The following SLC37A1 variants were observed in gnomAD, a reference collection of about 807,000 sequenced individuals.
SLC37A1 encodes the protein glucose-6-phosphate exchanger SLC37A1.
In SLC37A1, 49 loss-of-function variants were observed where a neutral mutation model predicts 75.3. The ratio of observed to expected loss-of-function variants is 0.65; its 90% CI spans 0.52 to 0.83. The LOEUF (loss-of-function observed/expected upper bound fraction) is 0.83, where lower values mean the gene tolerates loss of function less well. Among genes scored for constraint, SLC37A1 ranks in the 40% least tolerant of loss-of-function variants. SLC37A1 has a pLI of 0.00. For missense variants in SLC37A1, 566 were observed against 695.0 expected, an observed-to-expected ratio of 0.81 and a Z score of 2.09; for synonymous variants, 268 against 292.1, an observed-to-expected ratio of 0.92 and a Z score of 0.84.
rs79255104 is a variant in SLC37A1, at chr21:42,548,462, C to A, written c.768+1322C>A. Among the ~76,000 whole-genome samples the A allele has an allele frequency of 1.3e-5, 2 of 152,132 alleles. No individual in the cohort carries two copies. Among genetic ancestry groups the A allele is most frequent in the East Asian group, 3.9e-4 (2 of 5,168 alleles). The stretch of plus-strand genomic sequence containing the variant: ...GACCCGAGGAGCCAGCCCAACACCC[C>A]CTCCCTTCAGCCCCGCACCCCATCC... On this transcript the variant is annotated intron_variant, in intron 9 of 19. Coordinates refer to ENST00000352133, the MANE Select transcript of SLC37A1 (RefSeq NM_001320537.2). The surrounding 1 kb of genome is among the most constrained non-coding windows in gnomAD (Gnocchi z 5.6).
At chr21:42,572,628 T>C (rs1370257659) in intron 17 of SLC37A1, among the ~76,000 whole-genome samples, 1 of 144,442 alleles carries the variant, frequency 6.9e-6, no homozygotes, top group African/African-American at 2.6e-5. Flanking sequence ...TTATTTCATG[T>C]TAGACTGAAT....
chr21:42,551,330 G>A (rs1038122072), intron 9 of SLC37A1, among the ~76,000 whole-genome samples: 3 of 152,174 alleles, frequency 2.0e-5, no homozygotes, highest in African/African-American at 7.2e-5. Flanking sequence ...AACATTACGC[G>A]AAGCAGAAGA....
At chr21:42,525,751 C>G (rs1371447610) in intron 2 of SLC37A1, 25 bp from the exon 3 acceptor site, 4 of 1,540,980 alleles carry the variant, frequency 2.6e-6, no homozygotes, top group Non-Finnish European at 3.6e-6. Flanking sequence ...TTCATATCAT[C>G]CTCTCCCACT....
intron 8 of SLC37A1, among the ~76,000 whole-genome samples, chr21:42,544,128 T>A (rs2055351221): frequency 6.6e-6 from 1 of 152,190 alleles, no homozygotes; most frequent in African/African-American, 2.4e-5. Context: ...GAAGTAGAGA[T>A]CCAGCAGGCT....
intron 17 of SLC37A1, among the ~76,000 whole-genome samples, 168 bp downstream of exon 17, chr21:42,568,606 C>T (rs896542713): frequency 2.6e-5 from 4 of 152,190 alleles, no homozygotes; most frequent in Non-Finnish European, 5.9e-5. Flanking sequence ...CAGAGATGGT[C>T]ACGCATGCCT....
At chr21:42,572,771 T>C (rs112494453) in intron 17 of SLC37A1, among the ~76,000 whole-genome samples, 13,174 of 139,118 alleles carry the variant, frequency 0.095, 804 homozygotes, top group Non-Finnish European at 0.14. Flanking sequence ...TGGCTCTCTG[T>C]GGGTGCTGTG....
intron 2 of SLC37A1, among the ~76,000 whole-genome samples, chr21:42,503,565 GAAA>G (rs752895422): frequency 4.6e-5 from 7 of 152,056 alleles, no homozygotes; most frequent in Non-Finnish European, 7.4e-5. Context: ...TTGTTTTTAA[GAAA>G]ACAATGTGTC....
chr21:42,511,002 C>A (rs540381414), upstream of SLC37A1, among the ~76,000 whole-genome samples: 46 of 152,270 alleles, frequency 3.0e-4, no homozygotes, highest in African/African-American at 1.0e-3. Context: ...ATGGACCTAA[C>A]AGACATACAG....
chr21:42,570,224 C>CATT (rs2056115532), intron 17 of SLC37A1, among the ~76,000 whole-genome samples: 3 of 126,388 alleles, frequency 2.4e-5, no homozygotes, highest in Non-Finnish European at 5.0e-5. Flanking sequence ...GCAGGGTGGC[C>CATT]GTTGCCATGT....
intron 1 of SLC37A1, 41 bp from the exon 2 acceptor site, chr21:42,518,236 T>A: frequency 3.5e-6 from 2 of 572,840 alleles, no homozygotes; most frequent in Admixed American, 2.7e-5. Flanking sequence ...GGTGTGAATG[T>A]CACGACACTG....
rs991887652 is a variant in SLC37A1, at chr21:42,564,759, C to T, written c.1187C>T (p.Thr396Ile). ...ISDRLEKRAS[T>I]CGLMLLLAAP... ...GACCGACTGGAGAAAAGGGCCTCCA[C>T]CTGCGGCCTGATGCTGCTGCTCGCG... The change falls in exon 14 of 20, where the codon ACC becomes ATC. Residue 396 changes from threonine (T) to isoleucine (I), a missense_variant. Transcript: ENST00000352133. The T allele has an allele frequency of 1.4e-5, 22 of 1,608,882 alleles. No individual in the cohort carries two copies. Among genetic ancestry groups the T allele is most frequent in the Non-Finnish European group, 1.9e-5 (22 of 1,179,996 alleles).
At chr21:42,574,466 G>A (rs1415801843) in intron 17 of SLC37A1, among the ~76,000 whole-genome samples, 2 of 152,194 alleles carry the variant, frequency 1.3e-5, no homozygotes, top group Non-Finnish European at 2.9e-5. Context: ...CTTGGGACCA[G>A]AAGTGGTTAT....
chr21:42,575,747 G>A (rs1376131999), intron 18 of SLC37A1: 2 of 985,144 alleles, frequency 2.0e-6, no homozygotes, highest in Non-Finnish European at 2.4e-6. Flanking sequence ...TTAAATGAAA[G>A]TCTTATATTT....
In SLC37A1 at chr21:42,518,071, G is replaced by T. The variant is rs1276271123; in HGVS notation, c.-178-206G>T. Among the ~76,000 whole-genome samples, 4 of 152,190 alleles carry T rather than the reference G, an allele frequency of 2.6e-5. No homozygotes were observed. The South Asian group carries it at 8.3e-4, about 31-fold the overall frequency. ...TTTGAAATTCATTTCCAGGTTCTCAGAACAAACCGCCTCAAGGGTAGATAC... is the reference window on the plus strand; with the variant it reads ...TTTGAAATTCATTTCCAGGTTCTCATAACAAACCGCCTCAAGGGTAGATAC... On this transcript the variant is annotated intron_variant, in intron 1 of 19. Transcript: ENST00000352133.
At chr21:42,526,008 C>T (rs2054781367) in intron 3 of SLC37A1, 151 bp downstream of exon 3, 1 of 551,626 alleles carries the variant, frequency 1.8e-6, no homozygotes, top group Non-Finnish European at 3.2e-6. Context: ...TTTCGGTTTC[C>T]CTTTGCTAAA....
chr21:42,544,997 G>C (rs2055371080), intron 8 of SLC37A1, among the ~76,000 whole-genome samples: 1 of 152,194 alleles, frequency 6.6e-6, no homozygotes, highest in African/African-American at 2.4e-5. Context: ...CATGTGGAAG[G>C]GAAAGGAGCT....
upstream of SLC37A1, chr21:42,509,677 A>G (rs2054417540): frequency 6.6e-6 from 1 of 152,142 alleles, no homozygotes; most frequent in African/African-American, 2.4e-5. This position sits in a 1 kb window ranked among gnomAD's most constrained non-coding sequence, Gnocchi z 4.2. Context: ...TTTTCATTGT[A>G]TTTCTTATCA....
intron 3 of SLC37A1, among the ~76,000 whole-genome samples, chr21:42,527,565 T>A (rs1416488250): frequency 6.6e-6 from 1 of 152,162 alleles, no homozygotes; most frequent in Admixed American, 6.5e-5. Flanking sequence ...ATTACCCCTG[T>A]GATCCTCACA....
At chr21:42,549,441 G>A (rs557524587) in intron 9 of SLC37A1, among the ~76,000 whole-genome samples, 1 of 152,334 alleles carries the variant, frequency 6.6e-6, no homozygotes, top group Admixed American at 6.5e-5. Flanking sequence ...AGATCTACTG[G>A]TGCCCAGGTG....
Sources: gnomAD v4.1 joint callset for allele counts (sites outside exome capture counted in the v4.1 genomes callset) on GRCh38, gnomAD v4.1.1 for gene constraint, Gnocchi (gnomAD v3.1) non-coding constraint, MANE v1.5 for transcripts, NCBI Gene and HGNC (gene_info 2026-07-23, HGNC 2026-07-21) for gene names.